The following GTPBP2 variants were observed in gnomAD, a reference collection of about 807,000 sequenced individuals.
GTPBP2 encodes the protein GTP-binding protein 2.
GTPBP2 carries 32 observed loss-of-function variants against 63.0 expected under a neutral mutation model. The ratio of observed to expected loss-of-function variants is 0.51; its 90% CI spans 0.38 to 0.68. The LOEUF (loss-of-function observed/expected upper bound fraction) is 0.68, where lower values mean the gene tolerates loss of function less well. Among genes scored for constraint, GTPBP2 ranks in the 30% least tolerant of loss-of-function variants. The probability of loss-of-function intolerance (pLI) is 0.00; values close to 1 mark genes in which losing one functional copy is unlikely to be tolerated. For missense variants in GTPBP2, 492 were observed against 796.9 expected (o/e 0.62, Z 4.61); for synonymous variants, 310 against 322.6 (o/e 0.96, Z 0.42).
chr6:43,630,558 C>G (rs958122409), upstream of GTPBP2, among the ~76,000 whole-genome samples: 1 of 152,108 alleles, frequency 6.6e-6, no homozygotes, highest in Non-Finnish European at 1.5e-5. Context: ...GCCTGGCCAA[C>G]ACAGCGAAAC....
At chr6:43,627,108 C>A in intron 1 of GTPBP2, 160 bp from the exon 2 acceptor site, 1 of 690,900 alleles carries the variant, frequency 1.4e-6, no homozygotes, top group African/African-American at 1.8e-5. Flanking sequence ...AGACAAGATC[C>A]TCTATTCACC....
In GTPBP2 at chr6:43,622,012, G is replaced by A. The variant is rs1448885198; in HGVS notation, c.1623C>T (p.Ile541=). Reference sequence around the variant, plus strand: ...GCCAGGTCCCTCTCACCTTGGCATGGATCTTTTCCACCACTGCCGTCTGAC... The same window carrying A: ...GCCAGGTCCCTCTCACCTTGGCATGAATCTTTTCCACCACTGCCGTCTGAC... The part of the protein sequence containing the change: ...NVRQTAVVEK[I]HAKDKLRTGE... The change falls in exon 11 of 12, where the codon ATC becomes ATT. Residue 541 remains isoleucine, a synonymous_variant. Coordinates refer to ENST00000307126, the MANE Select transcript of GTPBP2 (RefSeq NM_019096.5). This position sits in a 1 kb window ranked among gnomAD's most constrained non-coding sequence, Gnocchi z 5.4. 3 of 1,614,172 alleles carry A rather than the reference G, an allele frequency of 1.9e-6. No individual in the cohort carries two copies. The highest frequency in any genetic ancestry group is 2.7e-5 in the African/African-American group (2 of 75,044).
rs1411475881 is a variant in GTPBP2 at position 43,622,179 on chromosome 6, C to G, written c.1468-12G>C. 2 of 1,604,084 alleles carry G rather than the reference C, an allele frequency of 1.2e-6. No homozygotes were observed. The highest frequency in any genetic ancestry group is 1.3e-5 in the African/African-American group (1 of 74,750). On this transcript the variant is annotated splice_polypyrimidine_tract_variant and intron_variant, in intron 10 of 11. Transcript: ENST00000307126. The surrounding 1 kb of genome is among the most constrained non-coding windows in gnomAD (Gnocchi z 5.4). ...ACCATCACCATGCCCTGGGGAGGAA[C>G]AGACCCCAGGCCCAGGAAGGGCAGC...
At position 43,624,843 on chromosome 6, in the gene GTPBP2, G is replaced by C. The variant is rs769927893; in HGVS notation, c.880+45C>G. The C allele has an allele frequency of 5.0e-6, 8 of 1,602,066 alleles. No homozygotes were observed. In the South Asian group the frequency reaches 7.7e-5, roughly 15 times the overall value. On this transcript the variant is annotated intron_variant, in intron 6 of 11. Transcript: ENST00000307126. The surrounding 1 kb of genome is among the most constrained non-coding windows in gnomAD (Gnocchi z 5.1). ...AAGATTTGAGGCCCAGGGTAGGAGA[G>C]TCAGCACCCCCCTTCAGCCCTGTCC...
At chr6:43,623,653 C>T in intron 9 of GTPBP2, 84 bp downstream of exon 9, 1 of 1,000,248 alleles carries the variant, frequency 1.0e-6, no homozygotes, top group Non-Finnish European at 1.6e-6. Context: ...CCGTTCAATT[C>T]CAGGGTCTCC....
At position 43,624,999 on chromosome 6, in the gene GTPBP2, TG is replaced by T; in HGVS notation, c.768del (p.Thr257ProfsTer51). 1 of 1,613,948 alleles carries T rather than the reference TG, an allele frequency of 6.2e-7. No homozygotes were observed. Among genetic ancestry groups the T allele is most frequent in the Non-Finnish European group, 8.5e-7 (1 of 1,179,962 alleles). On this transcript the variant is annotated frameshift_variant, in exon 6 of 12. Coordinates refer to ENST00000307126, the MANE Select transcript of GTPBP2 (RefSeq NM_019096.5). LOFTEE classifies it high-confidence loss of function. The surrounding 1 kb of genome is among the most constrained non-coding windows in gnomAD (Gnocchi z 5.1). ...EEICESSSKM[I>X]TFIDLAGHHK... Reference sequence around the variant, plus strand: ...TGGTGGCCTGCCAGGTCGATGAAGGTGATCATCTTGGAGCTGCTCTCACAGA... The same window carrying T: ...TGGTGGCCTGCCAGGTCGATGAAGGTATCATCTTGGAGCTGCTCTCACAGA...
At chr6:43,628,578 C>T in intron 1 of GTPBP2, 1 of 980,942 alleles carries the variant, frequency 1.0e-6, no homozygotes, top group African/African-American at 1.7e-5. Context: ...TTCCCGGGTA[C>T]TCCCCTTCTC....
At chr6:43,627,083 T>G (rs1769424743) in intron 1 of GTPBP2, 135 bp from the exon 2 acceptor site, 12 of 802,682 alleles carry the variant, frequency 1.5e-5, no homozygotes, top group Non-Finnish European at 2.3e-5. Context: ...CAAGTGCCTG[T>G]CAAAGGTCAG....
chr6:43,625,545 C>A lies in GTPBP2; in HGVS notation c.523G>T (p.Val175Leu), dbSNP rs751495063. 31 of 1,613,590 alleles carry A rather than the reference C, an allele frequency of 1.9e-5. No individual in the cohort carries two copies. The highest frequency in any genetic ancestry group is 2.6e-5 in the Non-Finnish European group (31 of 1,179,500). ...PDNQQFLDLRVAVLGNVDSGK... is the reference protein window; with the variant it reads ...PDNQQFLDLRLAVLGNVDSGK... The stretch of plus-strand genomic sequence containing the variant: ...GAGTCCACATTCCCCAGGACGGCCA[C>A]ACGGAGGTCTAGGAACTGTGGATGA... The change falls in exon 5 of 12, where the codon GTG becomes TTG. Residue 175 changes from valine to leucine, a missense_variant. This residue lies in a region of GTPBP2 where 400 missense variants were observed against 710.8 expected (regional missense o/e 0.56). Coordinates refer to ENST00000307126, the MANE Select transcript of GTPBP2 (RefSeq NM_019096.5). This position sits in a 1 kb window ranked among gnomAD's most constrained non-coding sequence, Gnocchi z 5.1.
chr6:43,628,485 TG>T, intron 1 of GTPBP2: 2 of 769,806 alleles, frequency 2.6e-6, no homozygotes, highest in Non-Finnish European at 3.2e-6. Context: ...TGTGTGTGTG[TG>T]TGTGTGTGTG....
chr6:43,629,780 G>T (rs201942612), upstream of GTPBP2: 109 of 1,563,958 alleles, frequency 7.0e-5, no homozygotes, highest in Non-Finnish European at 9.1e-5. Context: ...GTGAGTCAGG[G>T]CGAACGCCAG....
rs770725037 is a variant in GTPBP2 at position 43,621,559 on chromosome 6, G to C, written c.*55C>G. 2 of 1,613,494 alleles carry C rather than the reference G, an allele frequency of 1.2e-6. No individual in the cohort carries two copies. Among genetic ancestry groups the C allele is most frequent in the East Asian group, 2.2e-5 (1 of 44,872 alleles). On this transcript the variant is annotated 3_prime_UTR_variant, in exon 12 of 12. Transcript: ENST00000307126. The stretch of plus-strand genomic sequence containing the variant: ...CGCCAATGGCAGGGCAGCATGGCCA[G>C]AAGTCACCTTATATATTGTAGGGAC...
At chr6:43,623,469 A>G in intron 9 of GTPBP2, 1 of 522,096 alleles carries the variant, frequency 1.9e-6, no homozygotes, top group Non-Finnish European at 3.4e-6. Flanking sequence ...TCAGTTGAAT[A>G]CACTCTAGTT....
At position 43,625,103 on chromosome 6, in the gene GTPBP2, C is replaced by T. The variant is rs750990756; in HGVS notation, c.706-41G>A. On this transcript the variant is annotated intron_variant, in intron 5 of 11. Coordinates refer to ENST00000307126, the MANE Select transcript of GTPBP2 (RefSeq NM_019096.5). This position sits in a 1 kb window ranked among gnomAD's most constrained non-coding sequence, Gnocchi z 5.1. ...GGGCCCTCAGTGCCTCCTGCCAGCCCTTCCAACCCCTTCAGAGTTGCCAGG... is the reference window on the plus strand; with the variant it reads ...GGGCCCTCAGTGCCTCCTGCCAGCCTTTCCAACCCCTTCAGAGTTGCCAGG... 3.8e-6 allele frequency: 6 copies of T among 1,586,622 alleles called. No homozygotes were observed. Among genetic ancestry groups the T allele is most frequent in the Non-Finnish European group, 2.6e-6 (3 of 1,159,762 alleles).
In GTPBP2 at chr6:43,624,002, C is replaced by T. The variant is rs1769067952; in HGVS notation, c.1167G>A (p.Leu389=). 6.2e-7 allele frequency: 1 copy of T among 1,613,960 alleles called. No homozygotes were observed. Among genetic ancestry groups the T allele is most frequent in the Non-Finnish European group, 8.5e-7 (1 of 1,179,978 alleles). ...GESLDLLKVF[L]NILPPLTNSK... is the part of the protein sequence containing the mutation. ...TGTTGGTGAGTGGCGGCAGAATATT[C>T]AGAAAGACTTTGAGGAGGTCCAGAC... Residue 389 remains leucine, a synonymous_variant, in exon 8 of 12, where the codon CTG becomes CTA. Transcript: ENST00000307126. The surrounding 1 kb of genome is among the most constrained non-coding windows in gnomAD (Gnocchi z 5.1).
chr6:43,623,678 A>G, intron 9 of GTPBP2, 59 bp downstream of exon 9: 1 of 1,253,312 alleles, frequency 8.0e-7, no homozygotes, highest in East Asian at 2.3e-5. Flanking sequence ...TTGGGCCAGG[A>G]TGTCTTTGAG....
At position 43,622,195 on chromosome 6, in the gene GTPBP2, G is replaced by A; in HGVS notation, c.1468-28C>T. 6.3e-7 allele frequency: 1 copy of A among 1,595,418 alleles called. No individual in the cohort carries two copies. ...GGGGAGGAACAGACCCCAGGCCCAG[G>A]AAGGGCAGCTCTAACATCAGACTCT... On this transcript the variant is annotated intron_variant, in intron 10 of 11. Transcript: ENST00000307126. The surrounding 1 kb of genome is among the most constrained non-coding windows in gnomAD (Gnocchi z 5.4).
Position 43,625,175 on chromosome 6 carries a change from T to C in GTPBP2, c.706-113A>G, listed in dbSNP as rs1400246869. On this transcript the variant is annotated intron_variant, in intron 5 of 11. Transcript: ENST00000307126. The surrounding 1 kb of genome is among the most constrained non-coding windows in gnomAD (Gnocchi z 5.1). ...ACCCTGCCTCTTAATCTTGACCCCA[T>C]TTTTTATTTAATTTAGTTGATTCCC... The C allele has an allele frequency of 8.9e-7, 1 of 1,128,426 alleles. No individual in the cohort carries two copies. Among genetic ancestry groups the C allele is most frequent in the East Asian group, 2.4e-5 (1 of 42,428 alleles). 69.9% of individuals were successfully genotyped at this position (1,128,426 alleles called of 1,614,324 possible).
Position 43,621,311 on chromosome 6 carries a change from T to C in GTPBP2, c.*303A>G. The stretch of plus-strand genomic sequence containing the variant: ...AGTCTTAGTAGTGGGGACGAAGAAT[T>C]GATGAGTGGATCCAGTCAGCTCCGG... On this transcript the variant is annotated 3_prime_UTR_variant, in exon 12 of 12. Transcript: ENST00000307126. 2.3e-6 allele frequency: 2 copies of C among 856,366 alleles called. No individual in the cohort carries two copies. 53.0% of individuals were successfully genotyped at this position (856,366 alleles called of 1,614,324 possible). A position where few individuals can be genotyped will look rare whatever the true frequency, so the allele number is the denominator to read the frequency against.
Sources: gnomAD v4.1 joint callset for allele counts (sites outside exome capture counted in the v4.1 genomes callset) on GRCh38, gnomAD v4.1.1 for gene constraint, gnomAD v4.1.1 regional missense constraint, Gnocchi (gnomAD v3.1) non-coding constraint, MANE v1.5 for transcripts, NCBI Gene and HGNC (gene_info 2026-07-23, HGNC 2026-07-21) for gene names.